Variants in LPP observed in about 807,000 individuals in gnomAD.
LPP encodes the protein lipoma-preferred partner.
A neutral mutation model predicts 60.4 loss-of-function variants in LPP; 38 were observed. That is an observed-to-expected ratio of 0.63 (90% CI 0.49 to 0.83). The LOEUF is 0.83. LPP is among the 40% of genes least tolerant of loss of function. The pLI is 0.00. For synonymous variants in LPP, 328 were observed against 290.8 expected (o/e 1.13, Z -1.30); for missense variants, 902 against 783.6 (o/e 1.15, Z -1.80).
At chr3:188,634,314 G>T (rs564642538) in intron 7 of LPP, among the ~76,000 whole-genome samples, 1 of 152,292 alleles carries the variant, frequency 6.6e-6, no homozygotes, top group Admixed American at 6.5e-5. Context: ...TGTGTGCCAG[G>T]CCCTGTGATA....
rs1434548330 is a variant in LPP at position 188,217,073 on chromosome 3, G to C, written c.-189-8332G>C. On this transcript the variant is annotated intron_variant, in intron 1 of 11. Coordinates refer to ENST00000617246, the MANE Select transcript of LPP (RefSeq NM_001375462.1). The surrounding 1 kb of genome is among the most constrained non-coding windows in gnomAD (Gnocchi z 4.0). ...AACGATCTCTTGGTGCTTACACGCT[G>C]CTGCAGGTGTGTGAAGGAGGCAGAT... is the stretch of plus-strand genomic sequence containing the variant. 6.6e-6 allele frequency among the ~76,000 whole-genome samples: 1 copy of C among 152,232 alleles called. No individual in the cohort carries two copies. Among genetic ancestry groups the C allele is most frequent in the African/African-American group, 2.4e-5 (1 of 41,466 alleles).
At chr3:188,559,039 T>C (rs1441139937) in intron 6 of LPP, among the ~76,000 whole-genome samples, 1 of 152,096 alleles carries the variant, frequency 6.6e-6, no homozygotes, top group Non-Finnish European at 1.5e-5. Flanking sequence ...CTGCACTGCC[T>C]CTACCCCTGT....
chr3:188,196,268 CCACA>C (rs1380789777), intron 1 of LPP, among the ~76,000 whole-genome samples: 1 of 152,158 alleles, frequency 6.6e-6, no homozygotes, highest in African/African-American at 2.4e-5. Context: ...AACTTCAGGC[CCACA>C]CTCCTACATG....
At chr3:188,371,637 ATATATTTTTTTTTT>A (rs1456174315) in intron 3 of LPP, among the ~76,000 whole-genome samples, 4 of 29,544 alleles carry the variant, frequency 1.4e-4, no homozygotes, top group South Asian at 2.6e-3. Flanking sequence ...ATATATATAT[ATATATTTTTTTTTT>A]TTTTTTTTTT....
At chr3:188,834,331 T>TTG (rs1757855521) in intron 9 of LPP, among the ~76,000 whole-genome samples, 1 of 145,410 alleles carries the variant, frequency 6.9e-6, no homozygotes, top group African/African-American at 2.5e-5. Context: ...GGTGTTTTTT[T>TTG]TTTTTTTTTT....
chr3:188,513,408 A>C (rs1309588914), intron 5 of LPP, among the ~76,000 whole-genome samples: 1 of 152,202 alleles, frequency 6.6e-6, no homozygotes, highest in Non-Finnish European at 1.5e-5. Context: ...TATATGTTTC[A>C]TACAATGGGT....
chr3:188,400,301 C>G (rs1348506140), intron 3 of LPP, among the ~76,000 whole-genome samples: 1 of 152,154 alleles, frequency 6.6e-6, no homozygotes, highest in Non-Finnish European at 1.5e-5. Flanking sequence ...AGTTAAAGAT[C>G]TGTGTCCCAG....
At chr3:188,245,830 C>A (rs1000559796) in intron 2 of LPP, among the ~76,000 whole-genome samples, 2 of 152,090 alleles carry the variant, frequency 1.3e-5, no homozygotes, top group Admixed American at 6.5e-5. Context: ...GTGTGAGACA[C>A]CACACCCAGC....
At chr3:188,428,597 T>TG (rs1553895830) in intron 4 of LPP, among the ~76,000 whole-genome samples, 1 of 109,326 alleles carries the variant, frequency 9.1e-6, no homozygotes, top group African/African-American at 3.0e-5. Context: ...TATATATATA[T>TG]TTTTTTTTTT....
chr3:188,607,418 A>ATATATATATTT (rs1842732460), intron 6 of LPP, among the ~76,000 whole-genome samples: 1 of 38,498 alleles, frequency 2.6e-5, no homozygotes, highest in African/African-American at 6.9e-5. Context: ...TATATATATA[A>ATATATATATTT]TTTTTTTTTC....
chr3:188,498,162 C>G lies in LPP; in HGVS notation c.306+13458C>G, dbSNP rs4686965. ...TTGAACCTCCTATGTTCTTTTTTTT[C>G]CCCCCCAGCTTGTAAAATTATGGTA... On this transcript the variant is annotated intron_variant, in intron 5 of 11. Transcript: ENST00000617246. Among the ~76,000 whole-genome samples the G allele has an allele frequency of 2.8e-3, 428 of 152,108 alleles. 3 individuals are homozygous for G. The highest frequency in any genetic ancestry group is 9.8e-3 in the African/African-American group (408 of 41,486).
intron 5 of LPP, among the ~76,000 whole-genome samples, chr3:188,489,078 G>T (rs1415203968): frequency 1.3e-5 from 2 of 152,186 alleles, no homozygotes; most frequent in Non-Finnish European, 2.9e-5. Context: ...GGACTTGCAA[G>T]AGAATTAGAG....
intron 10 of LPP, 37 bp downstream of exon 10, chr3:188,866,415 CCTTTTG>C: frequency 7.2e-7 from 1 of 1,394,848 alleles, no homozygotes; most frequent in Non-Finnish European, 9.4e-7. Flanking sequence ...CCCTGCCAGT[CCTTTTG>C]GAGTCTGTTC....
At chr3:188,692,219 A>G (rs537417035) in intron 7 of LPP, among the ~76,000 whole-genome samples, 6 of 152,352 alleles carry the variant, frequency 3.9e-5, no homozygotes, top group Admixed American at 3.9e-4. Context: ...GGTAATCTGC[A>G]GACAGCTGCT....
intron 7 of LPP, among the ~76,000 whole-genome samples, chr3:188,617,265 C>A (rs762077341): frequency 6.6e-6 from 1 of 152,100 alleles, no homozygotes; most frequent in Non-Finnish European, 1.5e-5. Flanking sequence ...AAAACTGAGG[C>A]CTGAAGAGTT....
At chr3:188,482,762 G>T (rs767243136) in intron 4 of LPP, among the ~76,000 whole-genome samples, 1 of 152,146 alleles carries the variant, frequency 6.6e-6, no homozygotes, top group South Asian at 2.1e-4. Flanking sequence ...CCACAGATTT[G>T]TGCACCCAGA....
chr3:188,212,492 G>A (rs1455899714), intron 1 of LPP: 2 of 152,182 alleles, frequency 1.3e-5, no homozygotes, highest in African/African-American at 2.4e-5. Context: ...AGAGAAGAGA[G>A]AAGGGTGATT....
chr3:188,207,330 C>T (rs796827552), intron 1 of LPP, among the ~76,000 whole-genome samples: 18 of 149,240 alleles, frequency 1.2e-4, no homozygotes, highest in African/African-American at 4.4e-4. Context: ...CTGCCGGGTT[C>T]GAGCCATTCT....
At chr3:188,241,005 A>G (rs1048132519) in intron 2 of LPP, among the ~76,000 whole-genome samples, 1 of 152,296 alleles carries the variant, frequency 6.6e-6, no homozygotes. Flanking sequence ...CGGGGTATGT[A>G]TGCATAGTCT....
Sources: allele counts gnomAD v4.1 joint callset (sites outside exome capture counted in the v4.1 genomes callset), GRCh38; gene constraint gnomAD v4.1.1; non-coding constraint Gnocchi (gnomAD v3.1); transcripts MANE v1.5; gene names NCBI Gene and HGNC (gene_info 2026-07-23, HGNC 2026-07-21).